The following TFEC variants were observed in gnomAD, a reference collection of about 807,000 sequenced individuals.
TFEC encodes the protein transcription factor EC.
A neutral mutation model predicts 41.6 loss-of-function variants in TFEC; 31 were observed. That is an observed-to-expected ratio of 0.74 (90% confidence interval 0.56 to 1.01). The LOEUF (loss-of-function observed/expected upper bound fraction) is 1.01, where lower values mean the gene tolerates loss of function less well. Among genes scored for constraint, TFEC ranks in the 50% least tolerant of loss-of-function variants. The pLI, the probability that TFEC is intolerant of heterozygous loss-of-function variation, is 0.00. For missense variants in TFEC, 402 were observed against 404.1 expected, an observed-to-expected ratio of 0.99 and a Z score of 0.04; for synonymous variants, 143 against 140.6, an observed-to-expected ratio of 1.02 and a Z score of -0.12.
chr7:115,946,974 G>C (rs1241799610), intron 6 of TFEC, among the ~76,000 whole-genome samples: 1 of 150,926 alleles, frequency 6.6e-6, no homozygotes, highest in African/African-American at 2.4e-5. Context: ...CAATGTGCAG[G>C]TTAGTTACAT....
chr7:115,940,822 G>C lies in TFEC; in HGVS notation c.773C>G (p.Ser258Ter). 6.2e-7 allele frequency: 1 copy of C among 1,613,552 alleles called. No homozygotes were observed. Among genetic ancestry groups the C allele is most frequent in the Non-Finnish European group, 8.5e-7 (1 of 1,179,638 alleles). ...AGTCAGTTGTTGGCAATAGTCTACTGAATTCTGCTCAGGATGGCTCTGCTG... is the reference window on the plus strand; with the variant it reads ...AGTCAGTTGTTGGCAATAGTCTACTCAATTCTGCTCAGGATGGCTCTGCTG... ...TKQQSHPEQN[S>*]VDYCQQLTVS... Residue 258 changes from serine to a stop codon, truncating the protein, a stop_gained, in exon 8 of 8, where the codon TCA becomes TGA. Coordinates refer to ENST00000265440, the MANE Select transcript of TFEC (RefSeq NM_012252.4). LOFTEE classifies it high-confidence loss of function.
chr7:116,099,772 A>C (rs999449488), intron 3 of TFEC, among the ~76,000 whole-genome samples: 1 of 152,152 alleles, frequency 6.6e-6, no homozygotes, highest in Non-Finnish European at 1.5e-5. Context: ...TAGGTCACTG[A>C]TTTTCATAGT....
At chr7:116,131,504 A>T (rs1798331437) in intron 1 of TFEC, among the ~76,000 whole-genome samples, 1 of 152,202 alleles carries the variant, frequency 6.6e-6, no homozygotes, top group Non-Finnish European at 1.5e-5. Flanking sequence ...TAGTAACCTT[A>T]CATATATTAG....
intron 1 of TFEC, among the ~76,000 whole-genome samples, chr7:116,012,367 T>C (rs950233623): frequency 3.3e-5 from 5 of 152,188 alleles, no homozygotes; most frequent in Non-Finnish European, 5.9e-5. Flanking sequence ...AAAGCTCTCA[T>C]GTCATGCTTA....
intron 3 of TFEC, among the ~76,000 whole-genome samples, chr7:115,959,065 T>G (rs1409622454): frequency 6.6e-6 from 1 of 151,842 alleles, no homozygotes; most frequent in Non-Finnish European, 1.5e-5. Context: ...TAACTTAATT[T>G]TGTAGATCAG....
chr7:115,983,357 AT>A (rs2130668211), intron 2 of TFEC, among the ~76,000 whole-genome samples: 1 of 151,978 alleles, frequency 6.6e-6, no homozygotes, highest in South Asian at 2.1e-4. Flanking sequence ...ATTCTCTATC[AT>A]TTGGAATTTA....
At position 115,937,378 on chromosome 7, in the gene TFEC, C is replaced by A. The variant is rs1349990732; in HGVS notation, c.*3173G>T. Reference sequence around the variant, plus strand: ...CCTCTTTTACTATTATGAAAAATCTCATTTCTGCAAGAAATATTCTAGAGA... The same window carrying A: ...CCTCTTTTACTATTATGAAAAATCTAATTTCTGCAAGAAATATTCTAGAGA... On this transcript the variant is annotated 3_prime_UTR_variant, in exon 8 of 8. Transcript: ENST00000265440. The A allele has an allele frequency of 6.6e-6, 1 of 151,658 alleles. No homozygotes were observed. Among genetic ancestry groups the A allele is most frequent in the Non-Finnish European group, 1.5e-5 (1 of 67,700 alleles). 9.4% of individuals were successfully genotyped at this position (151,658 alleles called of 1,614,324 possible).
At chr7:116,115,570 A>ATAAGGACTGTGTGATTGCTTTG (rs1347550351) in intron 1 of TFEC, among the ~76,000 whole-genome samples, 1 of 151,830 alleles carries the variant, frequency 6.6e-6, no homozygotes, top group Non-Finnish European at 1.5e-5. Context: ...CATCCCTCTT[A>ATAAGGACTGTGTGATTGCTTTG]TAAGGACTGT....
chr7:116,010,883 T>C (rs931361758), intron 1 of TFEC, among the ~76,000 whole-genome samples: 1 of 152,192 alleles, frequency 6.6e-6, no homozygotes, highest in East Asian at 1.9e-4. Context: ...TCAGAAATTA[T>C]GCATTCAACC....
rs976048840 is a variant in TFEC at position 116,123,586 on chromosome 7, G to A, written c.-68-11548C>T. Among the ~76,000 whole-genome samples, 18 of 151,998 alleles carry A rather than the reference G, an allele frequency of 1.2e-4. No homozygotes were observed. The South Asian group carries it at 2.9e-3, about 25-fold the overall frequency. ...ACTTATATCAAGCCTGGTCTAACCC[G>A]CATATCCCCACACTCCACTTTTGCA... On this transcript the variant is annotated intron_variant, in intron 1 of 8. Coordinates refer to the TFEC transcript ENST00000484212.
intron 1 of TFEC, among the ~76,000 whole-genome samples, chr7:116,016,278 C>A (rs1584701204): frequency 6.6e-6 from 1 of 152,158 alleles, no homozygotes; most frequent in African/African-American, 2.4e-5. Context: ...GAACAGAAAT[C>A]AGCCTGCAGG....
intron 5 of TFEC, 122 bp from the exon 6 acceptor site, chr7:115,951,071 G>A (rs968827699): frequency 1.3e-5 from 6 of 460,430 alleles, no homozygotes; most frequent in Non-Finnish European, 2.3e-5. Flanking sequence ...TTAGTCAAAA[G>A]ATAATACTTC....
rs1302237529 is a variant in TFEC, at chr7:115,966,261, T to C, written c.267+7909A>G. On this transcript the variant is annotated intron_variant, in intron 3 of 7. Transcript: ENST00000265440. Reference sequence around the variant, plus strand: ...TTCTTACCACCACATGTAAACATACTGTGCCCATGGCTCTCAACAATAGAC... The same window carrying C: ...TTCTTACCACCACATGTAAACATACCGTGCCCATGGCTCTCAACAATAGAC... Among the ~76,000 whole-genome samples the C allele has an allele frequency of 2.0e-5, 3 of 151,712 alleles. No individual in the cohort carries two copies. The Admixed American group carries it at 2.0e-4, about 10-fold the overall frequency.
chr7:116,054,601 A>C (rs1796385831), intron 3 of TFEC, among the ~76,000 whole-genome samples: 1 of 152,188 alleles, frequency 6.6e-6, no homozygotes, highest in African/African-American at 2.4e-5. Flanking sequence ...TGCCAGATTT[A>C]GCAAATAAAA....
upstream of TFEC, among the ~76,000 whole-genome samples, chr7:116,035,583 A>G (rs1247575566): frequency 6.6e-6 from 1 of 152,142 alleles, no homozygotes; most frequent in African/African-American, 2.4e-5. Context: ...GCATAGCCAA[A>G]ATATTTTGAA....
intron 1 of TFEC, among the ~76,000 whole-genome samples, chr7:116,005,567 T>G (rs1415975077): frequency 6.6e-6 from 1 of 152,110 alleles, no homozygotes; most frequent in Non-Finnish European, 1.5e-5. Context: ...ATTCAAGAGG[T>G]GACTTGGGTG....
intron 1 of TFEC, among the ~76,000 whole-genome samples, chr7:116,133,518 A>G (rs1406587218): frequency 2.0e-5 from 3 of 151,842 alleles, no homozygotes; most frequent in Non-Finnish European, 4.4e-5. Flanking sequence ...CCTGGGTGAC[A>G]GAACAAGACT....
chr7:116,116,662 A>T (rs994301669), intron 1 of TFEC, among the ~76,000 whole-genome samples: 1 of 151,896 alleles, frequency 6.6e-6, no homozygotes, highest in Non-Finnish European at 1.5e-5. Context: ...GCCCCTTACA[A>T]CTCTAAAAAT....
intron 1 of TFEC, among the ~76,000 whole-genome samples, chr7:116,114,131 A>G (rs1797918855): frequency 6.6e-6 from 1 of 152,096 alleles, no homozygotes; most frequent in African/African-American, 2.4e-5. Context: ...GATACTTTAA[A>G]CTTCAAACAG....
Sources: allele counts gnomAD v4.1 joint callset (sites outside exome capture counted in the v4.1 genomes callset), GRCh38; gene constraint gnomAD v4.1.1; transcripts MANE v1.5; gene names NCBI Gene and HGNC (gene_info 2026-07-23, HGNC 2026-07-21).